The following TP63 variants were observed in gnomAD, a reference collection of about 807,000 sequenced individuals.
TP63 encodes the protein tumor protein p63, also known as tumor protein 63.
A neutral mutation model predicts 82.8 loss-of-function variants in TP63; 17 were observed. The ratio of observed to expected loss-of-function variants is 0.21; its 90% CI spans 0.14 to 0.31. The LOEUF is 0.31. TP63 is among the 10% of genes least tolerant of loss of function. The probability of loss-of-function intolerance (pLI) is 1.00; values close to 1 mark genes in which losing one functional copy is unlikely to be tolerated. For missense variants in TP63, 648 were observed against 895.3 expected, an observed-to-expected ratio of 0.72 and a Z score of 3.52; for synonymous variants, 330 against 321.7, an observed-to-expected ratio of 1.03 and a Z score of -0.28.
intron 4 of TP63, among the ~76,000 whole-genome samples, chr3:189,811,141 A>G (rs993449964): frequency 3.3e-5 from 5 of 152,234 alleles, no homozygotes; most frequent in African/African-American, 1.2e-4. Context: ...TTGATCATTT[A>G]TGCAAACTTA....
rs149710460 is a variant in TP63 at position 189,774,343 on chromosome 3, C to T, written c.325-33929C>T. ...TAAAGAAAAAATTGCTTTCTTCCAACGAACTGCATTTCCTGTAGAACACAA... is the reference window on the plus strand; with the variant it reads ...TAAAGAAAAAATTGCTTTCTTCCAATGAACTGCATTTCCTGTAGAACACAA... On this transcript the variant is annotated intron_variant, in intron 3 of 13. Transcript: ENST00000264731. Among the ~76,000 whole-genome samples the T allele has an allele frequency of 2.4e-4, 37 of 152,322 alleles. No homozygotes were observed. The East Asian group carries it at 6.2e-3, about 25-fold the overall frequency.
chr3:189,742,583 A>G (rs1050610260), intron 3 of TP63, among the ~76,000 whole-genome samples: 5 of 152,210 alleles, frequency 3.3e-5, no homozygotes, highest in Admixed American at 1.3e-4. Flanking sequence ...ACCAATATCT[A>G]TGTAGCTTAT....
intron 4 of TP63, among the ~76,000 whole-genome samples, chr3:189,821,133 A>G (rs1466938138): frequency 1.3e-5 from 2 of 152,230 alleles, no homozygotes; most frequent in African/African-American, 4.8e-5. Flanking sequence ...GCAATAACAA[A>G]TTAAGACCTT....
intron 9 of TP63, among the ~76,000 whole-genome samples, chr3:189,869,996 T>C (rs936635575): frequency 6.6e-6 from 1 of 152,212 alleles, no homozygotes; most frequent in Non-Finnish European, 1.5e-5. Context: ...TGAGCTTCTC[T>C]ACTTACCTAC....
intron 1 of TP63, among the ~76,000 whole-genome samples, chr3:189,667,168 A>ATTTTTT (rs11439554): frequency 8.2e-6 from 1 of 122,122 alleles, no homozygotes; most frequent in African/African-American, 3.1e-5. Context: ...AGAAGTTAGA[A>ATTTTTT]TTTTTTTTTT....
At chr3:189,837,217 TTC>T (rs749445372) in intron 4 of TP63, among the ~76,000 whole-genome samples, 2 of 151,272 alleles carry the variant, frequency 1.3e-5, no homozygotes, top group Non-Finnish European at 1.5e-5. Context: ...CATTTTTTTT[TTC>T]TCTCTCTCTC....
At chr3:189,893,149 C>T (rs1721189735) in intron 13 of TP63, among the ~76,000 whole-genome samples, 1 of 152,124 alleles carries the variant, frequency 6.6e-6, no homozygotes, top group East Asian at 1.9e-4. Context: ...GGTAACAATA[C>T]AACATAATAA....
chr3:189,612,907 G>A, the TP63 span, among the ~76,000 whole-genome samples: 2 of 152,132 alleles, frequency 1.3e-5, no homozygotes, highest in Non-Finnish European at 1.5e-5. Flanking sequence ...AACAATTTAG[G>A]GTATTTGGCA....
intron 1 of TP63, among the ~76,000 whole-genome samples, chr3:189,714,133 C>T (rs1231913939): frequency 1.3e-5 from 2 of 152,018 alleles, no homozygotes; most frequent in African/African-American, 4.8e-5. Flanking sequence ...TAAAGACACC[C>T]CGTAAGTGGA....
chr3:189,685,054 C>T (rs965089147), intron 1 of TP63, among the ~76,000 whole-genome samples: 1 of 152,150 alleles, frequency 6.6e-6, no homozygotes, highest in African/African-American at 2.4e-5. Flanking sequence ...AGACCCTAGA[C>T]AAACCATAAA....
chr3:189,626,312 A>C, the TP63 span, among the ~76,000 whole-genome samples: 6 of 152,152 alleles, frequency 3.9e-5, no homozygotes, highest in African/African-American at 1.2e-4. Flanking sequence ...TACAATTAAA[A>C]ATCACCAAAC....
intron 1 of TP63, among the ~76,000 whole-genome samples, chr3:189,648,781 A>C (rs1712635276): frequency 6.8e-6 from 1 of 146,896 alleles, no homozygotes; most frequent in African/African-American, 2.6e-5. Flanking sequence ...GTTTGCTCAA[A>C]TCCCTCATAG....
chr3:189,808,153 G>C, intron 3 of TP63, 119 bp from the exon 4 acceptor site: 1 of 1,542,506 alleles, frequency 6.5e-7, no homozygotes, highest in Non-Finnish European at 8.9e-7. Flanking sequence ...CTTTGAATGT[G>C]AAGTGCTTCC....
At chr3:189,867,344 G>A (rs137951598) in intron 6 of TP63, among the ~76,000 whole-genome samples, 34 of 152,200 alleles carry the variant, frequency 2.2e-4, no homozygotes, top group East Asian at 1.4e-3. Context: ...TGCCTTACCC[G>A]TACGTATGTA....
chr3:189,775,617 C>T (rs1467190103), intron 3 of TP63, among the ~76,000 whole-genome samples: 1 of 152,174 alleles, frequency 6.6e-6, no homozygotes, highest in Non-Finnish European at 1.5e-5. Context: ...TTGTAAGCAT[C>T]TTATCCTCAT....
chr3:189,752,296 C>T (rs1006832059), intron 3 of TP63, among the ~76,000 whole-genome samples: 14 of 152,146 alleles, frequency 9.2e-5, no homozygotes, highest in Admixed American at 3.9e-4. Flanking sequence ...ATCTCAGCCT[C>T]GCAAGTAGCT....
chr3:189,770,163 C>T (rs535003236), intron 3 of TP63, among the ~76,000 whole-genome samples: 1 of 152,346 alleles, frequency 6.6e-6, no homozygotes, highest in East Asian at 1.9e-4. Flanking sequence ...CTTCTAAATG[C>T]TGCATATTGC....
At chr3:189,813,645 A>G (rs1219444273) in intron 4 of TP63, among the ~76,000 whole-genome samples, 2 of 151,570 alleles carry the variant, frequency 1.3e-5, no homozygotes, top group Non-Finnish European at 2.9e-5. Flanking sequence ...AGACTGAAGT[A>G]AGGACCCTAC....
At chr3:189,605,322 A>G in the TP63 span, among the ~76,000 whole-genome samples, 2 of 152,348 alleles carry the variant, frequency 1.3e-5, no homozygotes. Flanking sequence ...TATCAGAAGT[A>G]TGCTTTTGTC....
Sources: allele counts gnomAD v4.1 joint callset (sites outside exome capture counted in the v4.1 genomes callset), GRCh38; gene constraint gnomAD v4.1.1; transcripts MANE v1.5; gene names NCBI Gene and HGNC (gene_info 2026-07-23, HGNC 2026-07-21).